TACC2: variants seen among roughly 807,000 people sequenced by gnomAD.
The protein encoded by TACC2 is transforming acidic coiled-coil containing protein 2.
TACC2 carries 137 observed loss-of-function variants against 227.3 expected under a neutral mutation model. The observed-to-expected ratio is 0.60, with a 90% confidence interval of 0.52 to 0.69. The LOEUF is 0.69. Among genes scored for constraint, TACC2 ranks in the 30% least tolerant of loss-of-function variants. TACC2 has a pLI of 0.00. For synonymous variants in TACC2, 1,523 were observed against 1,487.5 expected (o/e 1.02, Z -0.55); for missense variants, 3,470 against 3,694.4 (o/e 0.94, Z 1.57).
At chr10:122,012,533 C>A (rs1300953715) in intron 1 of TACC2, among the ~76,000 whole-genome samples, 2 of 151,468 alleles carry the variant, frequency 1.3e-5, no homozygotes, top group African/African-American at 4.8e-5. Context: ...GGATTACAAG[C>A]ATGAGCCACC....
intron 6 of TACC2, among the ~76,000 whole-genome samples, chr10:122,140,079 T>G (rs4751877): frequency 6.6e-6 from 1 of 152,006 alleles, no homozygotes; most frequent in African/African-American, 2.4e-5. Flanking sequence ...GCCCTGGAGC[T>G]GTGTGTGTGG....
intron 5 of TACC2, among the ~76,000 whole-genome samples, chr10:122,096,754 A>C (rs925086974): frequency 2.0e-5 from 3 of 151,664 alleles, no homozygotes; most frequent in Middle Eastern, 3.2e-3. Context: ...AAATGGGCAG[A>C]CATGTGGTTT....
In TACC2 at chr10:122,084,020, A is replaced by C; in HGVS notation, c.1520A>C (p.His507Pro). The change falls in exon 4 of 23, where the codon CAT becomes CCT. Residue 507 changes from histidine (H) to proline (P), a missense_variant. By Grantham distance (77) the His-to-Pro change is moderately conservative. Around this residue, in one of 10 missense-constraint regions of TACC2, gnomAD observed 1,924 missense variants for 1,978.3 expected, o/e 0.97. Transcript: ENST00000369005. ...GAGCACTTGAACACGGAGCAAAGCC[A>C]TGAGGTCCAACCAGGAGTACCACCC... ...RGEHLNTEQS[H>P]EVQPGVPPPP... 1 of 1,614,004 alleles carries C rather than the reference A, an allele frequency of 6.2e-7. No individual in the cohort carries two copies. The highest frequency in any genetic ancestry group is 1.1e-5 in the South Asian group (1 of 91,078).
At chr10:122,058,701 C>A (rs930612787) in intron 3 of TACC2, among the ~76,000 whole-genome samples, 10 of 152,232 alleles carry the variant, frequency 6.6e-5, no homozygotes, top group African/African-American at 2.2e-4. Context: ...AGCCACCGTG[C>A]CTGGCCACTG....
chr10:122,126,297 C>T (rs1476414364), intron 5 of TACC2, among the ~76,000 whole-genome samples: 1 of 105,998 alleles, frequency 9.4e-6, no homozygotes, highest in Admixed American at 9.9e-5. Context: ...ACTTTTATTC[C>T]ATGGGTTATA....
At chr10:122,095,880 T>G (rs1048714066) in intron 5 of TACC2, among the ~76,000 whole-genome samples, 1 of 152,250 alleles carries the variant, frequency 6.6e-6, no homozygotes, top group Non-Finnish European at 1.5e-5. Context: ...TAATTTTGTT[T>G]AATTTCAACT....
At chr10:122,228,062 C>T (rs1213283610) in intron 14 of TACC2, 54 bp downstream of exon 14, 50 of 1,550,284 alleles carry the variant, frequency 3.2e-5, no homozygotes, top group East Asian at 6.8e-5. Context: ...GGGCCAGCTG[C>T]GTATTGTCAC....
intron 18 of TACC2, 45 bp from the exon 19 acceptor site, chr10:122,241,913 C>T (rs1589886948): frequency 6.3e-7 from 1 of 1,592,518 alleles, no homozygotes; most frequent in Non-Finnish European, 8.6e-7. Flanking sequence ...AGATGGAAAA[C>T]CATTCTGTTG....
chr10:122,061,662 A>G (rs2076838137), intron 3 of TACC2, among the ~76,000 whole-genome samples: 1 of 152,142 alleles, frequency 6.6e-6, no homozygotes, highest in South Asian at 2.1e-4. Flanking sequence ...CATTTAATCA[A>G]CACGGGCCCA....
intron 7 of TACC2, among the ~76,000 whole-genome samples, chr10:122,152,053 A>G (rs568758044): frequency 3.4e-4 from 52 of 152,334 alleles, no homozygotes; most frequent in African/African-American, 1.2e-3. Context: ...GCCCAGGGCC[A>G]GAAGGGTATA....
At chr10:122,229,791 C>T (rs188713686) in intron 15 of TACC2, among the ~76,000 whole-genome samples, 1 of 152,256 alleles carries the variant, frequency 6.6e-6, no homozygotes, top group Non-Finnish European at 1.5e-5. Context: ...ATTCACTGAA[C>T]CAAGAATATT....
chr10:122,025,364 AATTCTCC>A (rs58460716), intron 2 of TACC2, among the ~76,000 whole-genome samples: 26,214 of 149,028 alleles, frequency 0.18, 2,269 homozygotes, highest in East Asian at 0.31. Flanking sequence ...AGGTTCAAGC[AATTCTCC>A]TGCCTCAGCC....
At chr10:122,119,871 A>C (rs2085379349) in intron 5 of TACC2, among the ~76,000 whole-genome samples, 1 of 152,006 alleles carries the variant, frequency 6.6e-6, no homozygotes, top group Non-Finnish European at 1.5e-5. Context: ...GTGAGTCAAG[A>C]TCGCGCTGCT....
At chr10:122,214,651 T>A (rs1302014332) in intron 9 of TACC2, among the ~76,000 whole-genome samples, 1 of 152,230 alleles carries the variant, frequency 6.6e-6, no homozygotes, top group Non-Finnish European at 1.5e-5. Context: ...AAGGCATCCC[T>A]TTCTCCTGGG....
At chr10:122,119,546 G>A (rs114947867) in intron 5 of TACC2, among the ~76,000 whole-genome samples, 1,864 of 152,258 alleles carry the variant, frequency 0.012, 57 homozygotes, top group African/African-American at 0.041. Context: ...TTGATCAGGA[G>A]GACAGCTACA....
At chr10:122,246,257 G>A (rs76969412) in intron 19 of TACC2, among the ~76,000 whole-genome samples, 59 of 152,128 alleles carry the variant, frequency 3.9e-4, no homozygotes, top group Non-Finnish European at 7.2e-4. Flanking sequence ...CCACACTCAC[G>A]TGGGAGAGTT....
At chr10:122,186,579 T>A (rs1593079938) in intron 7 of TACC2, among the ~76,000 whole-genome samples, 2 of 142,756 alleles carry the variant, frequency 1.4e-5, no homozygotes, top group East Asian at 3.9e-4. Flanking sequence ...AGTGGCATGA[T>A]CTCTGCTCAC....
At chr10:122,123,194 AGG>A (rs1342385448) in intron 5 of TACC2, among the ~76,000 whole-genome samples, 1 of 152,110 alleles carries the variant, frequency 6.6e-6, no homozygotes, top group Non-Finnish European at 1.5e-5. Flanking sequence ...TAGTACAGAC[AGG>A]GTTTTGTGAT....
chr10:122,201,358 C>G (rs2094842269), intron 8 of TACC2, among the ~76,000 whole-genome samples: 1 of 149,168 alleles, frequency 6.7e-6, no homozygotes. Flanking sequence ...ACCTCACCTG[C>G]CCACAGTGGC....
Sources: gnomAD v4.1 joint callset for allele counts (sites outside exome capture counted in the v4.1 genomes callset) on GRCh38, gnomAD v4.1.1 for gene constraint, gnomAD v4.1.1 regional missense constraint, MANE v1.5 for transcripts, NCBI Gene and HGNC (gene_info 2026-07-23, HGNC 2026-07-21) for gene names.